EFCAB5: variants seen among roughly 807,000 people sequenced by gnomAD.
EFCAB5 encodes EF-hand calcium binding domain 5.
EFCAB5 carries 131 observed loss-of-function variants against 167.9 expected under a neutral mutation model. The observed-to-expected ratio is 0.78, with a 90% confidence interval of 0.68 to 0.90. The LOEUF is 0.90. Ranked by LOEUF, EFCAB5 falls within the 40% of genes least tolerant of loss-of-function variation. The pLI, the probability that EFCAB5 is intolerant of heterozygous loss-of-function variation, is 0.00. For missense variants in EFCAB5, 1,663 were observed against 1,745.2 expected (o/e 0.95, Z 0.84); for synonymous variants, 574 against 602.8 (o/e 0.95, Z 0.70).
intron 3 of EFCAB5, among the ~76,000 whole-genome samples, chr17:29,957,439 G>C (rs962073949): frequency 2.0e-5 from 3 of 152,020 alleles, no homozygotes; most frequent in African/African-American, 7.3e-5. Flanking sequence ...TAGGTATTAA[G>C]CCCCACATGT....
chr17:30,006,837 T>C (rs563893077), intron 7 of EFCAB5, among the ~76,000 whole-genome samples: 1 of 152,296 alleles, frequency 6.6e-6, no homozygotes, highest in African/African-American at 2.4e-5. Flanking sequence ...TTGTTTATTT[T>C]TGTGGACATT....
At chr17:30,025,720 G>A (rs907473375) in intron 7 of EFCAB5, among the ~76,000 whole-genome samples, 2 of 152,150 alleles carry the variant, frequency 1.3e-5, no homozygotes, top group African/African-American at 4.8e-5. Context: ...ACATGCACAT[G>A]TGTGTTTATT....
chr17:30,057,199 G>A (rs1317878390), intron 12 of EFCAB5, among the ~76,000 whole-genome samples: 2 of 152,128 alleles, frequency 1.3e-5, no homozygotes, highest in Non-Finnish European at 2.9e-5. Flanking sequence ...ATAGCAGCAG[G>A]ATACTGTCTG....
At chr17:29,929,986 C>G (rs374291688) in intron 1 of EFCAB5, 4 of 1,595,886 alleles carry the variant, frequency 2.5e-6, no homozygotes, top group Non-Finnish European at 3.4e-6. Flanking sequence ...ACCGCTGGAC[C>G]GTGACCAAAG....
Position 29,994,167 on chromosome 17 carries a change from T to TATATATATAC in EFCAB5, c.924+855_924+856insCATATATATA, listed in dbSNP as rs1555554322. On this transcript the variant is annotated intron_variant, in intron 5 of 22. Transcript: ENST00000394835. Reference sequence around the variant, plus strand: ...ATATATATATATATATATATATATATATATATATATGTGATATATATATCA... The same window carrying TATATATATAC: ...ATATATATATATATATATATATATATATATATATACATATATATATGTGATATATATATCA... Among the ~76,000 whole-genome samples the TATATATATAC allele has an allele frequency of 1.0e-3, 135 of 132,210 alleles. 2 individuals carry two copies. Among genetic ancestry groups the TATATATATAC allele is most frequent in the Non-Finnish European group, 1.6e-3 (99 of 61,490 alleles). The allele number at this position is 132,210 out of a possible 152,430, so 86.7% of individuals were successfully genotyped here. A position where few individuals can be genotyped will look rare whatever the true frequency, so the allele number is the denominator to read the frequency against.
At chr17:30,001,416 G>A (rs1597649384) in intron 7 of EFCAB5, among the ~76,000 whole-genome samples, 1 of 152,152 alleles carries the variant, frequency 6.6e-6, no homozygotes. Flanking sequence ...ATGTTCAGTG[G>A]TACTTGCCTA....
In EFCAB5 at chr17:30,090,504, G is replaced by C; in HGVS notation, c.3767G>C (p.Arg1256Pro). 6.2e-7 allele frequency: 1 copy of C among 1,613,970 alleles called. No homozygotes were observed. The highest frequency in any genetic ancestry group is 1.1e-5 in the South Asian group (1 of 91,084). Residue 1256 changes from arginine to proline, a missense_variant, in exon 20 of 23, where the codon CGT (arginine) becomes CCT (proline). Arg to Pro is a moderately radical substitution (Grantham distance 103, BLOSUM62 -2). Transcript: ENST00000394835. ...GAAACGCATATAGTAGTTCCACTTC[G>C]TGAGAGAACAGGAGAGGCTCTGGGA... is the stretch of plus-strand genomic sequence containing the variant. ...CGETHIVVPL[R>P]ERTGEALGVL... is the part of the protein sequence containing the mutation.
intron 3 of EFCAB5, among the ~76,000 whole-genome samples, chr17:29,967,122 ATTTAATGGTAT>A (rs984607978): frequency 1.3e-5 from 2 of 152,130 alleles, no homozygotes; most frequent in African/African-American, 4.8e-5. Context: ...CATTTGTTCT[ATTTAATGGTAT>A]TTCCTTGGGT....
chr17:30,087,214 G>A, intron 19 of EFCAB5, 48 bp downstream of exon 19: 1 of 1,499,116 alleles, frequency 6.7e-7, no homozygotes, highest in Non-Finnish European at 9.3e-7. Flanking sequence ...CATCCTTCTG[G>A]TACAATAGTA....
intron 18 of EFCAB5, among the ~76,000 whole-genome samples, chr17:30,083,703 C>T (rs756276985): frequency 2.2e-4 from 33 of 152,314 alleles, no homozygotes; most frequent in Non-Finnish European, 3.1e-4. Context: ...ATCCAGCCAC[C>T]TCAGCCTCCC....
rs183440762 is a variant in EFCAB5 at position 30,013,559 on chromosome 17, A to G, written c.1044+13583A>G. 2.2e-3 allele frequency among the ~76,000 whole-genome samples: 341 copies of G among 152,188 alleles called. 2 individuals carry two copies. Among genetic ancestry groups the G allele is most frequent in the African/African-American group, 8.1e-3 (335 of 41,510 alleles). On this transcript the variant is annotated intron_variant, in intron 7 of 22. Transcript: ENST00000394835. ...GGTGTATGTGTCCAGGAATTTATCC[A>G]TTTCTTCTAGATTCCCTAGTTTATT... is the stretch of plus-strand genomic sequence containing the variant.
At chr17:29,952,414 A>C (rs556639171) in intron 3 of EFCAB5, among the ~76,000 whole-genome samples, 1 of 152,268 alleles carries the variant, frequency 6.6e-6, no homozygotes, top group South Asian at 2.1e-4. Context: ...TACCAGAGAA[A>C]CCCTCACATG....
At chr17:30,073,274 C>A in intron 14 of EFCAB5, 1 of 587,208 alleles carries the variant, frequency 1.7e-6, no homozygotes, top group South Asian at 2.1e-5. Flanking sequence ...CCATGCTGGT[C>A]ACAAACTCCT....
Position 30,078,269 on chromosome 17 carries a change from C to T in EFCAB5, c.2792C>T (p.Ser931Phe), listed in dbSNP as rs766713517. ...CACCCTGGTCACGAAGTGAGATTGTCTTCAAAACAATTTCAGAATTACATA... is the reference window on the plus strand; with the variant it reads ...CACCCTGGTCACGAAGTGAGATTGTTTTCAAAACAATTTCAGAATTACATA... ...KPHPGHEVRL[S>F]SKQFQNYIEL... The change falls in exon 15 of 23, where the codon TCT becomes TTT. Residue 931 changes from serine to phenylalanine, a missense_variant. Ser to Phe is a radical substitution (Grantham distance 155). Coordinates refer to ENST00000394835, the MANE Select transcript of EFCAB5 (RefSeq NM_198529.4). 2.7e-5 allele frequency: 43 copies of T among 1,613,806 alleles called. No homozygotes were observed. The African/African-American group carries it at 2.9e-4, about 11-fold the overall frequency.
At chr17:29,939,654 G>T (rs2067273154), upstream of EFCAB5, among the ~76,000 whole-genome samples, 3 of 152,188 alleles carry the variant, frequency 2.0e-5, no homozygotes, top group African/African-American at 4.8e-5. Context: ...AAGTTATGGA[G>T]ATGTCTTCTT....
chr17:30,078,497 T>A lies in EFCAB5; in HGVS notation c.3020T>A (p.Leu1007His). ...EPVYSETFKA[L>H]MQDAEAHGNK... ...GTGTATAGTGAGACCTTTAAGGCCC[T>A]CATGCAGGTACGTTTCCTAAAGCAG... The change falls in exon 15 of 23, where the codon CTC becomes CAC. Residue 1007 changes from leucine (L) to histidine (H), a missense_variant. Leu to His is a moderately conservative substitution (Grantham distance 99). Coordinates refer to ENST00000394835, the MANE Select transcript of EFCAB5 (RefSeq NM_198529.4). 1 of 1,587,266 alleles carries A rather than the reference T, an allele frequency of 6.3e-7. No individual in the cohort carries two copies. The highest frequency in any genetic ancestry group is 8.6e-7 in the Non-Finnish European group (1 of 1,164,750).
Position 29,935,914 on chromosome 17 carries a change from G to T in EFCAB5, c.-126-6326G>T, listed in dbSNP as rs151151657. On this transcript the variant is annotated intron_variant, in intron 1 of 3. Transcript: ENST00000448319. ...TGAGACACAGACTTCTGAAGCAGGAGCACTGGCTGGCTGGTGGTGGTGCCT... is the reference window on the plus strand; with the variant it reads ...TGAGACACAGACTTCTGAAGCAGGATCACTGGCTGGCTGGTGGTGGTGCCT... Among the ~76,000 whole-genome samples, 31 of 152,306 alleles carry T rather than the reference G, an allele frequency of 2.0e-4. No homozygotes were observed. In the East Asian group the frequency reaches 5.2e-3, roughly 26 times the overall value.
At chr17:30,033,614 A>C (rs1202454549) in intron 7 of EFCAB5, among the ~76,000 whole-genome samples, 2 of 152,208 alleles carry the variant, frequency 1.3e-5, no homozygotes, top group Non-Finnish European at 2.9e-5. Context: ...TGTCAAACCT[A>C]CAAAATATTC....
intron 17 of EFCAB5, among the ~76,000 whole-genome samples, chr17:30,082,363 G>A (rs1029130369): frequency 6.7e-6 from 1 of 149,320 alleles, no homozygotes; most frequent in Non-Finnish European, 1.5e-5. Flanking sequence ...AGCATAAAAA[G>A]GTATGTGGGT....
Sources: allele counts gnomAD v4.1 joint callset (sites outside exome capture counted in the v4.1 genomes callset), GRCh38; gene constraint gnomAD v4.1.1; transcripts MANE v1.5; gene names NCBI Gene and HGNC (gene_info 2026-07-23, HGNC 2026-07-21).